PIN4: variants seen among roughly 807,000 people sequenced by gnomAD.
The protein encoded by PIN4 is peptidylprolyl cis/trans isomerase, NIMA-interacting 4, also known as peptidyl-prolyl cis-trans isomerase NIMA-interacting 4.
PIN4 carries 3 observed loss-of-function variants against 8.3 expected under a neutral mutation model. That is an observed-to-expected ratio of 0.36 (90% CI 0.16 to 0.93). The LOEUF is 0.93. Ranked by LOEUF, PIN4 falls within the 40% of genes least tolerant of loss-of-function variation. The pLI, the probability that PIN4 is intolerant of heterozygous loss-of-function variation, is 0.44. For synonymous variants in PIN4, 18 were observed against 32.5 expected, an observed-to-expected ratio of 0.55 and a Z score of 1.52; for missense variants, 75 against 100.6, an observed-to-expected ratio of 0.75 and a Z score of 1.09.
intron 3 of PIN4, among the ~76,000 whole-genome samples, chrX:72,220,949 G>A (rs1191188821): frequency 8.9e-6 from 1 of 111,840 alleles, no homozygotes; most frequent in Non-Finnish European, 1.9e-5. Flanking sequence ...GAAGCAGTGG[G>A]CAACGGCAGC....
At chrX:72,210,295 A>T (rs891312646) in intron 3 of PIN4, among the ~76,000 whole-genome samples, 1 of 110,949 alleles carries the variant, frequency 9.0e-6, no homozygotes, top group Non-Finnish European at 1.9e-5. Context: ...CAACATCATT[A>T]GTTGTCAGGG....
At chrX:72,222,432 C>T (rs765098529) in intron 3 of PIN4, among the ~76,000 whole-genome samples, 1 of 111,279 alleles carries the variant, frequency 9.0e-6, no homozygotes, top group East Asian at 2.8e-4. Context: ...GATGCAGTCC[C>T]CCATAGAGAC....
At chrX:72,232,874 AG>A (rs1409224537) in intron 3 of PIN4, among the ~76,000 whole-genome samples, 1 of 110,991 alleles carries the variant, frequency 9.0e-6, no homozygotes, top group African/African-American at 3.3e-5. Flanking sequence ...AGGCTGAGGC[AG>A]GTGGATCGCT....
rs370690491 is a variant in PIN4, at chrX:72,185,101, G to A, written c.44-1360G>A. ...GGAGCTTGCAGTGAGCCGAAATCGC[G>A]CCACTGCACTCCAGCCTGGGCGACA... On this transcript the variant is annotated intron_variant, in intron 1 of 3. Coordinates refer to ENST00000373669, the MANE Select transcript of PIN4 (RefSeq NM_006223.4). 7.1e-4 allele frequency among the ~76,000 whole-genome samples: 58 copies of A among 81,767 alleles called. 1 individual carries two copies. The East Asian group carries it at 0.023, about 33-fold the overall frequency. The allele number at this position is 81,767 out of a possible 115,157, so 71.0% of individuals were successfully genotyped here. A position where few individuals can be genotyped will look rare whatever the true frequency, so the allele number is the denominator to read the frequency against.
intron 3 of PIN4, among the ~76,000 whole-genome samples, chrX:72,240,693 G>A (rs1375074276): frequency 1.8e-5 from 2 of 109,416 alleles, no homozygotes; most frequent in Non-Finnish European, 3.8e-5. Context: ...CCAGCTTCTC[G>A]GGAGGCTGGG....
intron 3 of PIN4, among the ~76,000 whole-genome samples, chrX:72,262,475 C>T (rs1387736909): frequency 9.0e-6 from 1 of 111,690 alleles, no homozygotes; most frequent in East Asian, 2.8e-4. Flanking sequence ...AGTAAAATGG[C>T]AAATAAGCCC....
intron 1 of PIN4, among the ~76,000 whole-genome samples, chrX:72,182,452 G>C (rs745873293): frequency 1.8e-4 from 20 of 110,378 alleles, no homozygotes; most frequent in Non-Finnish European, 3.2e-4. Flanking sequence ...GCTGAGGCAG[G>C]AGAATCGCTT....
At chrX:72,236,984 C>T (rs2043020723) in intron 3 of PIN4, among the ~76,000 whole-genome samples, 2 of 112,026 alleles carry the variant, frequency 1.8e-5, no homozygotes, top group African/African-American at 6.5e-5. Context: ...ACTCATATAG[C>T]TCATCACACA....
intron 3 of PIN4, among the ~76,000 whole-genome samples, chrX:72,231,066 C>A (rs1254064029): frequency 8.9e-6 from 1 of 112,247 alleles, no homozygotes; most frequent in Non-Finnish European, 1.9e-5. Flanking sequence ...AGCAATCTCA[C>A]TTCTGGGTAC....
intron 3 of PIN4, among the ~76,000 whole-genome samples, chrX:72,261,584 CGTT>C (rs1267982702): frequency 8.9e-6 from 1 of 111,937 alleles, no homozygotes; most frequent in East Asian, 2.8e-4. Context: ...TCCCTGGTAG[CGTT>C]GTTGTGAGGG....
intron 3 of PIN4, among the ~76,000 whole-genome samples, chrX:72,226,701 C>A (rs2042955768): frequency 9.0e-6 from 1 of 111,662 alleles, no homozygotes; most frequent in Non-Finnish European, 1.9e-5. Context: ...CCTCAACCAA[C>A]CATCCAATCC....
Position 72,197,419 on chromosome X carries a change from G to A in PIN4, c.289G>A (p.Ala97Thr). 1 of 1,207,660 alleles carries A rather than the reference G, an allele frequency of 8.3e-7. No homozygotes were observed. Among genetic ancestry groups the A allele is most frequent in the South Asian group, 1.8e-5 (1 of 56,660 alleles). The change falls in exon 4 of 4, where the codon GCA becomes ACA. Residue 97 changes from alanine to threonine, a missense_variant. Ala to Thr is a moderately conservative substitution (Grantham distance 58). Coordinates refer to ENST00000373669, the MANE Select transcript of PIN4 (RefSeq NM_006223.4). ...GTCCATGGTGGGACCATTTCAAGAA[G>A]CAGCATTTGCCTTGCCTGTAAGTGG... Reference protein sequence around the residue: ...RGSMVGPFQEAAFALPVSGMD... With the variant: ...RGSMVGPFQETAFALPVSGMD...
rs2042775364 is a variant in PIN4 at position 72,197,989 on chromosome X, A to T, written c.*463A>T. On this transcript the variant is annotated 3_prime_UTR_variant, in exon 4 of 4. Transcript: ENST00000373669. ...TTAGTCAACTCTGATCTTCCAGGAC[A>T]GGTGGTATTAGCTCCACTGTCTTAA... 1.3e-6 allele frequency: 1 copy of T among 753,022 alleles called. No homozygotes were observed. The highest frequency in any genetic ancestry group is 2.3e-5 in the African/African-American group (1 of 43,547). 62.1% of individuals were successfully genotyped at this position (753,022 alleles called of 1,213,427 possible).
At chrX:72,207,178 G>A (rs1265759918) in intron 3 of PIN4, 1 of 1,211,331 alleles carries the variant, frequency 8.3e-7, no homozygotes, top group Non-Finnish European at 1.1e-6. Flanking sequence ...CAGAAAAACA[G>A]AGTAATCTTT....
intron 2 of PIN4, among the ~76,000 whole-genome samples, chrX:72,194,457 C>T (rs1169942550): frequency 2.8e-5 from 3 of 108,849 alleles, no homozygotes; most frequent in African/African-American, 6.7e-5. Flanking sequence ...CACTTGAACC[C>T]GGGAGAGGGA....
At chrX:72,239,231 C>T (rs1191279924) in intron 3 of PIN4, among the ~76,000 whole-genome samples, 3 of 112,972 alleles carry the variant, frequency 2.7e-5, no homozygotes, top group African/African-American at 9.6e-5. Context: ...CGTTTCAATC[C>T]AATTCAAACC....
At chrX:72,222,601 T>A (rs930479052) in intron 3 of PIN4, among the ~76,000 whole-genome samples, 1 of 105,972 alleles carries the variant, frequency 9.4e-6, no homozygotes, top group Non-Finnish European at 2.0e-5. Flanking sequence ...CAGCCTTTTT[T>A]TTTTTTTTTT....
intron 3 of PIN4, among the ~76,000 whole-genome samples, chrX:72,243,448 G>A (rs1272687183): frequency 2.7e-5 from 3 of 109,618 alleles, no homozygotes; most frequent in Non-Finnish European, 5.7e-5. Flanking sequence ...AAAATGATAT[G>A]ACATCTGGGA....
chrX:72,229,620 T>C (rs1356461614), intron 3 of PIN4, among the ~76,000 whole-genome samples: 3 of 111,418 alleles, frequency 2.7e-5, no homozygotes, highest in African/African-American at 6.5e-5. Context: ...CACCAACACA[T>C]ACCTTTGTCT....
Sources: gnomAD v4.1 joint callset for allele counts (sites outside exome capture counted in the v4.1 genomes callset) on GRCh38, gnomAD v4.1.1 for gene constraint, MANE v1.5 for transcripts, NCBI Gene and HGNC (gene_info 2026-07-23, HGNC 2026-07-21) for gene names.